The following TRPV3 variants were observed in gnomAD, a reference collection of about 807,000 sequenced individuals.
TRPV3 encodes the protein transient receptor potential cation channel subfamily V member 3.
Under a neutral mutation model 87.1 loss-of-function variants are expected in TRPV3, and 88 were observed. The ratio of observed to expected loss-of-function variants is 1.01; its 90% confidence interval spans 0.85 to 1.21. The LOEUF is 1.21. Among genes scored for constraint, TRPV3 ranks in the 50% most tolerant of loss-of-function variants. TRPV3 has a pLI of 0.00. For synonymous variants in TRPV3, 438 were observed against 423.3 expected (o/e 1.03, Z -0.43); for missense variants, 1,054 against 1,030.1 (o/e 1.02, Z -0.32).
chr17:3,554,544 A>T, intron 2 of TRPV3, 188 bp downstream of exon 2: 1 of 532,072 alleles, frequency 1.9e-6, no homozygotes, highest in South Asian at 2.7e-5. Flanking sequence ...ACCCCAGCTC[A>T]GCCCCCTGAG....
chr17:3,515,729 G>A (rs190027925), intron 16 of TRPV3, among the ~76,000 whole-genome samples: 1 of 151,928 alleles, frequency 6.6e-6, no homozygotes, highest in Non-Finnish European at 1.5e-5. Flanking sequence ...ATCTGTCAAA[G>A]TAGCCACGTC....
At chr17:3,520,879 A>C in intron 14 of TRPV3, 94 bp downstream of exon 14, 1 of 735,388 alleles carries the variant, frequency 1.4e-6, no homozygotes, top group East Asian at 2.9e-5. Context: ...TAGTTGGTCT[A>C]ATTGTTGCCA....
chr17:3,536,303 G>A (rs1159064103), intron 6 of TRPV3, among the ~76,000 whole-genome samples: 2 of 152,212 alleles, frequency 1.3e-5, no homozygotes, highest in Non-Finnish European at 2.9e-5. Context: ...AGAAGCAGCC[G>A]AGACCAGTGA....
intron 2 of TRPV3, among the ~76,000 whole-genome samples, chr17:3,549,250 C>A (rs1291528913): frequency 6.6e-6 from 1 of 152,184 alleles, no homozygotes; most frequent in Non-Finnish European, 1.5e-5. Context: ...ATTTACTCAA[C>A]AAATATTTAT....
chr17:3,519,699 T>A (rs12150641), intron 14 of TRPV3, among the ~76,000 whole-genome samples: 22,579 of 111,224 alleles, frequency 0.2, 2,579 homozygotes, highest in South Asian at 0.36. Flanking sequence ...ATTGGATGGA[T>A]GGATAGATGG....
chr17:3,556,197 A>AAAT lies in TRPV3; in HGVS notation c.-2-1346_-2-1345insATT, dbSNP rs1555546955. 2.0e-5 allele frequency among the ~76,000 whole-genome samples: 3 copies of AAAT among 151,886 alleles called. No homozygotes were observed. The highest frequency in any genetic ancestry group is 7.2e-5 in the African/African-American group (3 of 41,438). ...GTCTCAAAAAAAATGAAAAAAAAAAAAAATAAAGTTTTTATTAAACATAAA... is the reference window on the plus strand; with the variant it reads ...GTCTCAAAAAAAATGAAAAAAAAAAAAATAAATAAAGTTTTTATTAAACATAAA... On this transcript the variant is annotated intron_variant, in intron 1 of 17. Transcript: ENST00000576742. The surrounding 1 kb of genome is among the most constrained non-coding windows in gnomAD (Gnocchi z 4.2).
chr17:3,525,997 T>C (rs1352454057), intron 12 of TRPV3, among the ~76,000 whole-genome samples: 1 of 152,116 alleles, frequency 6.6e-6, no homozygotes. Flanking sequence ...TGCAGACATC[T>C]GCATAACATC....
chr17:3,510,848 T>C lies in TRPV3; in HGVS notation c.*3069A>G, dbSNP rs1462783694. On this transcript the variant is annotated 3_prime_UTR_variant, in exon 18 of 18. Coordinates refer to ENST00000576742, the MANE Select transcript of TRPV3 (RefSeq NM_145068.4). ...TGAGGAAGGACAGGAATGTCAATAA[T>C]AAAGGGCTCTCTCAGGCTGGAGCCT... The C allele has an allele frequency of 1.3e-5, 2 of 152,214 alleles. No individual in the cohort carries two copies. Among genetic ancestry groups the C allele is most frequent in the African/African-American group, 4.8e-5 (2 of 41,454 alleles). The allele number at this position is 152,214 out of a possible 1,614,324, so 9.4% of individuals were successfully genotyped here.
Position 3,543,604 on chromosome 17 carries a change from C to T in TRPV3, c.336G>A (p.Gln112=). 1 of 1,614,168 alleles carries T rather than the reference C, an allele frequency of 6.2e-7. No individual in the cohort carries two copies. The highest frequency in any genetic ancestry group is 1.3e-5 in the African/African-American group (1 of 75,066). Residue 112 remains glutamine, a synonymous_variant, in exon 5 of 18, where the codon CAG becomes CAA. Transcript: ENST00000576742. ...SPSAQLAKEE[Q]RRKKRRLKKR... ...TCTTCAGCCGCCTCTTTTTCCTCCT[C>T]TGCTCTTCCTTGGCCAGCTGTGCAC...
rs1345085922 is a variant in TRPV3, at chr17:3,524,490, C to G, written c.1578-127G>C. 5 of 1,153,444 alleles carry G rather than the reference C, an allele frequency of 4.3e-6. No individual in the cohort carries two copies. In the African/African-American group the frequency reaches 6.2e-5, roughly 14 times the overall value. The allele number at this position is 1,153,444 out of a possible 1,614,324, so 71.5% of individuals were successfully genotyped here. A position where few individuals can be genotyped will look rare whatever the true frequency, so the allele number is the denominator to read the frequency against. ...CCCCGGTGACGGATGCTGAAGAGAC[C>G]AGAATCACGCTGCCTCAGATCCATT... On this transcript the variant is annotated intron_variant, in intron 12 of 17. Transcript: ENST00000576742.
In TRPV3 at chr17:3,518,429, G is replaced by C. The variant is rs1238510485; in HGVS notation, c.2085+147C>G. 2.2e-6 allele frequency: 2 copies of C among 905,746 alleles called. No homozygotes were observed. Among genetic ancestry groups the C allele is most frequent in the South Asian group, 1.8e-5 (1 of 56,240 alleles). 56.1% of individuals were successfully genotyped at this position (905,746 alleles called of 1,614,324 possible). ...CTACACTCAAAGAACCTAGGCTAAG[G>C]CCTCCTCAAACCTGGCCACACACTG... is the stretch of plus-strand genomic sequence containing the variant. On this transcript the variant is annotated intron_variant, in intron 15 of 17. Transcript: ENST00000576742. This position sits in a 1 kb window ranked among gnomAD's most constrained non-coding sequence, Gnocchi z 4.3.
At chr17:3,537,333 G>A (rs1035319376) in intron 6 of TRPV3, among the ~76,000 whole-genome samples, 20 of 150,364 alleles carry the variant, frequency 1.3e-4, no homozygotes, top group African/African-American at 4.4e-4. Flanking sequence ...GAATACAGAC[G>A]TGATGGTCCT....
intron 2 of TRPV3, among the ~76,000 whole-genome samples, chr17:3,548,309 C>G (rs1372279221): frequency 6.6e-6 from 1 of 152,166 alleles, no homozygotes; most frequent in Non-Finnish European, 1.5e-5. Flanking sequence ...AACTGAGGCT[C>G]AGTATGGAGA....
At chr17:3,535,152 CCTTT>C (rs1485519842) in intron 7 of TRPV3, among the ~76,000 whole-genome samples, 2 of 148,304 alleles carry the variant, frequency 1.3e-5, no homozygotes, top group African/African-American at 2.5e-5. Context: ...CTCCTTCCTT[CCTTT>C]CTCTCCCTCC....
intron 2 of TRPV3, among the ~76,000 whole-genome samples, chr17:3,550,380 C>T (rs1340051442): frequency 6.6e-6 from 1 of 152,096 alleles, no homozygotes; most frequent in East Asian, 1.9e-4. Context: ...CACTTCAGAC[C>T]TGAGGCTGAG....
Position 3,513,855 on chromosome 17 carries a change from A to G in TRPV3, c.*62T>C, listed in dbSNP as rs562204969. 1.1e-5 allele frequency: 16 copies of G among 1,409,436 alleles called. No homozygotes were observed. The highest frequency in any genetic ancestry group is 1.6e-5 in the Non-Finnish European group (16 of 998,130). 87.3% of individuals were successfully genotyped at this position (1,409,436 alleles called of 1,614,324 possible). ...CATCCCTCAAAGCCTCTCTGCACAG[A>G]GTCGGTGACTCCGCCTGCAGCGCCA... On this transcript the variant is annotated 3_prime_UTR_variant, in exon 18 of 18. Coordinates refer to ENST00000576742, the MANE Select transcript of TRPV3 (RefSeq NM_145068.4).
At chr17:3,535,482 C>T in intron 7 of TRPV3, 91 bp downstream of exon 7, 1 of 1,320,482 alleles carries the variant, frequency 7.6e-7, no homozygotes, top group Non-Finnish European at 9.9e-7. Flanking sequence ...CCCCCCTCCT[C>T]CCTTCTTCCC....
intron 12 of TRPV3, among the ~76,000 whole-genome samples, 162 bp from the exon 13 acceptor site, chr17:3,524,525 T>C (rs1284932912): frequency 6.6e-6 from 1 of 151,966 alleles, no homozygotes; most frequent in Non-Finnish European, 1.5e-5. Flanking sequence ...TTGGCTACCA[T>C]AGAATTCAGC....
At chr17:3,538,738 C>T (rs550535582) in intron 6 of TRPV3, among the ~76,000 whole-genome samples, 4 of 152,102 alleles carry the variant, frequency 2.6e-5, no homozygotes, top group African/African-American at 9.7e-5. Flanking sequence ...GCGTGCCCCA[C>T]CACGCCCTAC....
Sources: gnomAD v4.1 joint callset for allele counts (sites outside exome capture counted in the v4.1 genomes callset) on GRCh38, gnomAD v4.1.1 for gene constraint, Gnocchi (gnomAD v3.1) non-coding constraint, MANE v1.5 for transcripts, NCBI Gene and HGNC (gene_info 2026-07-23, HGNC 2026-07-21) for gene names.